The following CHN2 variants were observed in gnomAD, a reference collection of about 807,000 sequenced individuals.
CHN2 encodes beta-chimaerin.
A neutral mutation model predicts 56.3 loss-of-function variants in CHN2; 35 were observed. The observed-to-expected ratio is 0.62, with a 90% CI of 0.47 to 0.82. The LOEUF (loss-of-function observed/expected upper bound fraction) is 0.82. CHN2 is among the 40% of genes least tolerant of loss of function. The pLI, the probability that CHN2 is intolerant of heterozygous loss-of-function variation, is 0.00. For missense variants in CHN2, 491 were observed against 580.5 expected (o/e 0.85, Z 1.58); for synonymous variants, 210 against 212.8 (o/e 0.99, Z 0.12).
chr7:29,280,965 G>T (rs192894409), intron 1 of CHN2, among the ~76,000 whole-genome samples: 138 of 152,174 alleles, frequency 9.1e-4, no homozygotes, highest in African/African-American at 2.8e-3. Context: ...GCATGGTGGC[G>T]CATGCCTGTA....
intron 1 of CHN2, among the ~76,000 whole-genome samples, chr7:29,258,827 G>C (rs1789290338): frequency 6.6e-6 from 1 of 152,150 alleles, no homozygotes; most frequent in African/African-American, 2.4e-5. Flanking sequence ...AGAGGAATTT[G>C]GCATCATCTA....
intron 9 of CHN2, among the ~76,000 whole-genome samples, chr7:29,504,347 G>A (rs544945344): frequency 2.0e-5 from 3 of 152,228 alleles, no homozygotes; most frequent in African/African-American, 4.8e-5. Flanking sequence ...CACCTACTGT[G>A]TACCCACAAA....
chr7:29,240,762 A>ACTTTTTCATTCTTCTT (rs955677379), intron 1 of CHN2, among the ~76,000 whole-genome samples: 3 of 133,492 alleles, frequency 2.2e-5, no homozygotes, highest in African/African-American at 3.7e-5. Context: ...GTGTTGCAGG[A>ACTTTTTCATTCTTCTT]CTTTTTCTTT....
chr7:29,148,241 A>G (rs1395462260), intron 2 of CHN2, among the ~76,000 whole-genome samples: 1 of 152,222 alleles, frequency 6.6e-6, no homozygotes, highest in African/African-American at 2.4e-5. Flanking sequence ...TCTAAGTATA[A>G]GGACAACTAC....
chr7:29,222,729 G>C (rs1785900829), intron 1 of CHN2, among the ~76,000 whole-genome samples: 1 of 152,068 alleles, frequency 6.6e-6, no homozygotes. Context: ...GTTAATTTTT[G>C]TGAAAATTAT....
At chr7:29,441,307 C>G (rs972555703) in intron 6 of CHN2, among the ~76,000 whole-genome samples, 1 of 152,152 alleles carries the variant, frequency 6.6e-6, no homozygotes, top group East Asian at 1.9e-4. Context: ...CATGAACTAA[C>G]TCAAAATGGA....
intron 6 of CHN2, among the ~76,000 whole-genome samples, chr7:29,429,900 G>A (rs1782707192): frequency 6.6e-6 from 1 of 152,154 alleles, no homozygotes; most frequent in African/African-American, 2.4e-5. Context: ...AAGCTTCGTA[G>A]CTATATCTTC....
intron 2 of CHN2, among the ~76,000 whole-genome samples, chr7:29,170,874 A>T (rs1796507728): frequency 6.6e-6 from 1 of 152,116 alleles, no homozygotes; most frequent in Admixed American, 6.5e-5. Flanking sequence ...TGTGCAGGAA[A>T]ACTTCCCCTT....
intron 1 of CHN2, among the ~76,000 whole-genome samples, chr7:29,308,836 T>A (rs552162123): frequency 6.6e-6 from 1 of 152,352 alleles, no homozygotes; most frequent in South Asian, 2.1e-4. Context: ...TGAAAACACC[T>A]TATTTAGTTC....
chr7:29,384,114 CAA>C (rs1800740317), intron 3 of CHN2, among the ~76,000 whole-genome samples: 1 of 152,054 alleles, frequency 6.6e-6, no homozygotes, highest in South Asian at 2.1e-4. Flanking sequence ...GGGTGAAGAG[CAA>C]AGGAGGCTGA....
At chr7:29,509,605 G>C in intron 12 of CHN2, 199 bp downstream of exon 12, 2 of 442,634 alleles carry the variant, frequency 4.5e-6, no homozygotes, top group South Asian at 2.3e-5. Flanking sequence ...AGCACTTTGG[G>C]AGGCCGAGGT....
chr7:29,367,826 C>T, intron 2 of CHN2, 106 bp from the exon 3 acceptor site: 1 of 846,052 alleles, frequency 1.2e-6, no homozygotes, highest in Non-Finnish European at 1.7e-6. Flanking sequence ...TTTATATTTA[C>T]AATCCTTGAG....
chr7:29,334,067 T>TTTTTTC (rs1796430546), intron 1 of CHN2, among the ~76,000 whole-genome samples: 1 of 128,828 alleles, frequency 7.8e-6, no homozygotes, highest in Non-Finnish European at 1.7e-5. Context: ...TTTTTTTTTT[T>TTTTTTC]TTGAGACTGA....
At chr7:29,305,100 G>A (rs1475562399) in intron 1 of CHN2, among the ~76,000 whole-genome samples, 1 of 152,170 alleles carries the variant, frequency 6.6e-6, no homozygotes, top group African/African-American at 2.4e-5. Flanking sequence ...CAGATTTCCA[G>A]TGGCCAAGGA....
In CHN2 at chr7:29,400,538, G is replaced by T. The variant is rs1046010867; in HGVS notation, c.291-5G>T. On this transcript the variant is annotated splice_region_variant and splice_polypyrimidine_tract_variant and intron_variant, in intron 5 of 12. Coordinates refer to ENST00000222792, the MANE Select transcript of CHN2 (RefSeq NM_004067.4). ...GGTTGTAATCCCTCATTCTCTCACG[G>T]GCAGGTTTGGAAACCAGACCTTAAA... 1.2e-6 allele frequency: 2 copies of T among 1,613,208 alleles called. No homozygotes were observed. Among genetic ancestry groups the T allele is most frequent in the South Asian group, 1.1e-5 (1 of 91,024 alleles).
At chr7:29,429,357 A>G (rs997967713) in intron 6 of CHN2, among the ~76,000 whole-genome samples, 1 of 152,238 alleles carries the variant, frequency 6.6e-6, no homozygotes, top group African/African-American at 2.4e-5. Context: ...GTAAGAGTGA[A>G]ATAGTCTATA....
intron 7 of CHN2, among the ~76,000 whole-genome samples, chr7:29,487,565 C>T (rs1788163896): frequency 1.3e-5 from 2 of 152,088 alleles, no homozygotes; most frequent in Admixed American, 1.3e-4. Context: ...ATAAAGCCTC[C>T]AGGGAATACT....
rs376743736 is a variant in CHN2, at chr7:29,400,868, C to T, written c.576+40C>T. ...ATGGAAGCAGCCTTTCGTTTTAATC[C>T]ATGCCGCATCAACAGGCGGGTTAAC... On this transcript the variant is annotated intron_variant, in intron 6 of 12. Coordinates refer to ENST00000222792, the MANE Select transcript of CHN2 (RefSeq NM_004067.4). 4,465 of 1,592,392 alleles carry T rather than the reference C, an allele frequency of 2.8e-3. 149 individuals carry two copies. The South Asian group carries it at 0.046, about 16-fold the overall frequency.
chr7:29,498,459 T>A (rs567127734), intron 8 of CHN2, among the ~76,000 whole-genome samples: 26 of 152,344 alleles, frequency 1.7e-4, no homozygotes, highest in Non-Finnish European at 2.6e-4. Flanking sequence ...TTTTTGTTTT[T>A]TTTATTTTGA....
Sources: gnomAD v4.1 joint callset for allele counts (sites outside exome capture counted in the v4.1 genomes callset) on GRCh38, gnomAD v4.1.1 for gene constraint, MANE v1.5 for transcripts, NCBI Gene and HGNC (gene_info 2026-07-23, HGNC 2026-07-21) for gene names.